The following GON4L variants were observed in gnomAD, a reference collection of about 807,000 sequenced individuals.
GON4L encodes the protein gon-4 like.
GON4L carries 87 observed loss-of-function variants against 211.8 expected under a neutral mutation model. That is an observed-to-expected ratio of 0.41 (90% CI 0.35 to 0.49). The LOEUF (loss-of-function observed/expected upper bound fraction) is 0.49. GON4L is among the 20% of genes least tolerant of loss of function. The pLI is 0.15. For missense variants in GON4L, 2,155 were observed against 2,659.5 expected, an observed-to-expected ratio of 0.81 and a Z score of 4.17; for synonymous variants, 875 against 962.6, an observed-to-expected ratio of 0.91 and a Z score of 1.68.
chr1:155,835,560 T>C (rs1051459933), intron 2 of GON4L, among the ~76,000 whole-genome samples: 4 of 152,176 alleles, frequency 2.6e-5, no homozygotes, highest in Non-Finnish European at 5.9e-5. Context: ...AGGGTCACTG[T>C]TGGCCACCCC....
Position 155,840,527 on chromosome 1 carries a change from G to A in GON4L, c.505+12749C>T, listed in dbSNP as rs569928520. 2.0e-5 allele frequency among the ~76,000 whole-genome samples: 3 copies of A among 152,284 alleles called. No individual in the cohort carries two copies. In the South Asian group the frequency reaches 6.2e-4, roughly 32 times the overall value. On this transcript the variant is annotated intron_variant, in intron 2 of 31. Coordinates refer to ENST00000368331, the MANE Select transcript of GON4L (RefSeq NM_001282860.2). ...TTGTGATATATTTTTACAGCCTCCT[G>A]ACAGGTTGTGGACTCCAGCATTACC... is the stretch of plus-strand genomic sequence containing the variant.
rs573658435 is a variant in GON4L, at chr1:155,767,410, G to A, written c.2763+15C>T. 1.9e-6 allele frequency: 3 copies of A among 1,613,826 alleles called. 1 individual carries two copies. Among genetic ancestry groups the A allele is most frequent in the Admixed American group, 3.3e-5 (2 of 59,980 alleles). On this transcript the variant is annotated intron_variant, in intron 20 of 31. Transcript: ENST00000368331. ...ACCTTCTGCCTCCTACAGACTTCGA[G>A]GAAGAGGGCTGTACCTTTAACCAGA...
rs1269461900 is a variant in GON4L, at chr1:155,763,582, G to A, written c.4474-18C>T. 2.6e-6 allele frequency: 4 copies of A among 1,530,982 alleles called. No homozygotes were observed. In the Admixed American group the frequency reaches 8.1e-5, roughly 31 times the overall value. 94.8% of individuals were successfully genotyped at this position (1,530,982 alleles called of 1,614,324 possible). ...ATTGTTTCCTGTAAAACCCTCCAAA[G>A]AGTACTTATAATGGCTCTTAGTGGC... On this transcript the variant is annotated intron_variant, in intron 21 of 31. Coordinates refer to ENST00000368331, the MANE Select transcript of GON4L (RefSeq NM_001282860.2).
intron 2 of GON4L, among the ~76,000 whole-genome samples, chr1:155,844,865 C>G (rs1322727320): frequency 2.6e-5 from 4 of 152,144 alleles, no homozygotes; most frequent in East Asian, 1.9e-4. Context: ...AATCTTTGGC[C>G]CTGCCTCTTT....
At chr1:155,773,436 G>C (rs1029530094) in intron 17 of GON4L, 2 of 562,114 alleles carry the variant, frequency 3.6e-6, no homozygotes, top group African/African-American at 3.8e-5. Flanking sequence ...TCTTTCTTAT[G>C]TGGAACACTT....
intron 2 of GON4L, among the ~76,000 whole-genome samples, chr1:155,828,836 C>T (rs929328127): frequency 2.2e-5 from 3 of 139,128 alleles, no homozygotes; most frequent in Non-Finnish European, 4.7e-5. Flanking sequence ...AAATGGTAAA[C>T]ATCAGAAATC....
chr1:155,814,334 G>A lies in GON4L; in HGVS notation c.1277C>T (p.Ser426Leu). 1.2e-6 allele frequency: 2 copies of A among 1,612,844 alleles called. No homozygotes were observed. The highest frequency in any genetic ancestry group is 1.1e-5 in the South Asian group (1 of 91,060). Residue 426 changes from serine to leucine, a missense_variant, in exon 9 of 32, where the codon TCA becomes TTA. Physicochemically the swap from Ser to Leu is moderately radical, Grantham distance 145. Transcript: ENST00000368331. ...TTTTGTATGATGCCGATTTACCTCTGATAATATGCCACTCTCCTCATCTGT... is the reference window on the plus strand; with the variant it reads ...TTTTGTATGATGCCGATTTACCTCTAATAATATGCCACTCTCCTCATCTGT... ...TETDEESGIL[S>L]EAEKVTTPAI...
intron 2 of GON4L, among the ~76,000 whole-genome samples, chr1:155,838,882 T>G (rs565923173): frequency 1.3e-4 from 19 of 151,908 alleles, no homozygotes; most frequent in Middle Eastern, 3.4e-3. Context: ...AAAATCGTTT[T>G]GGATGCTTAT....
intron 11 of GON4L, among the ~76,000 whole-genome samples, chr1:155,796,120 T>G (rs146750441): frequency 1.3e-5 from 2 of 152,066 alleles, no homozygotes; most frequent in Admixed American, 1.3e-4. Context: ...GTTCAATACA[T>G]GTATGACAAA....
chr1:155,774,596 C>G (rs994578850), intron 17 of GON4L, among the ~76,000 whole-genome samples: 1 of 152,044 alleles, frequency 6.6e-6, no homozygotes, highest in Non-Finnish European at 1.5e-5. Flanking sequence ...CGTGAGCCAC[C>G]GCGCCTGGCC....
downstream of GON4L, chr1:155,748,731 A>G (rs1660351185): frequency 6.2e-7 from 1 of 1,614,102 alleles, no homozygotes; most frequent in Admixed American, 1.7e-5. Context: ...GCCTTCTGGA[A>G]CACGTTGCTT....
At chr1:155,838,634 G>T (rs1300190324) in intron 2 of GON4L, among the ~76,000 whole-genome samples, 1 of 152,048 alleles carries the variant, frequency 6.6e-6, no homozygotes, top group East Asian at 1.9e-4. Context: ...AATTAGCCAG[G>T]CGTGGTGGTG....
rs1661264202 is a variant in GON4L at position 155,757,057 on chromosome 1, C to T, written c.5418G>A (p.Val1806=). 1 of 1,613,726 alleles carries T rather than the reference C, an allele frequency of 6.2e-7. No individual in the cohort carries two copies. Among genetic ancestry groups the T allele is most frequent in the Non-Finnish European group, 8.5e-7 (1 of 1,179,810 alleles). Residue 1806 remains valine (V), a synonymous_variant, in exon 27 of 32, where the codon GTG becomes GTA. Transcript: ENST00000368331. The part of the protein sequence containing the change: ...KEYEFDGFEE[V]ALPDVEEEEE... The stretch of plus-strand genomic sequence containing the variant: ...CCTCTTCTTCCACATCAGGCAGGGC[C>T]ACTTCTTCAAAGCCATCAAACTGAG...
intron 17 of GON4L, 65 bp downstream of exon 17, chr1:155,774,937 G>C (rs1663622898): frequency 6.2e-7 from 1 of 1,601,670 alleles, no homozygotes; most frequent in South Asian, 1.1e-5. Flanking sequence ...AGTTATCTAT[G>C]GGATAAGATT....
At chr1:155,840,715 T>A (rs1196008479) in intron 2 of GON4L, among the ~76,000 whole-genome samples, 3 of 152,172 alleles carry the variant, frequency 2.0e-5, no homozygotes, top group Non-Finnish European at 4.4e-5. Flanking sequence ...GCCTTGTCTT[T>A]AGACCTGGGC....
intron 12 of GON4L, among the ~76,000 whole-genome samples, chr1:155,790,487 C>T (rs1258590452): frequency 6.6e-6 from 1 of 152,092 alleles, no homozygotes; most frequent in East Asian, 1.9e-4. Flanking sequence ...AGCGATCCTC[C>T]TGCCTCAGCC....
intron 27 of GON4L, among the ~76,000 whole-genome samples, chr1:155,755,279 G>T (rs976375751): frequency 6.6e-6 from 1 of 152,026 alleles, no homozygotes; most frequent in Admixed American, 6.6e-5. Context: ...ATGTTGACCA[G>T]GCTGGTTTCG....
chr1:155,776,641 C>G (rs1228120484), intron 15 of GON4L, among the ~76,000 whole-genome samples, 160 bp from the exon 16 acceptor site: 1 of 152,152 alleles, frequency 6.6e-6, no homozygotes, highest in East Asian at 1.9e-4. Flanking sequence ...CTCTCAACTT[C>G]CTGTGCTCAA....
At chr1:155,811,245 T>C (rs991599909) in intron 10 of GON4L, among the ~76,000 whole-genome samples, 2 of 150,632 alleles carry the variant, frequency 1.3e-5, no homozygotes, top group Non-Finnish European at 3.0e-5. Context: ...TACAAAAAAT[T>C]AGCCGCGCAT....
Sources: allele counts gnomAD v4.1 joint callset (sites outside exome capture counted in the v4.1 genomes callset), GRCh38; gene constraint gnomAD v4.1.1; transcripts MANE v1.5; gene names NCBI Gene and HGNC (gene_info 2026-07-23, HGNC 2026-07-21).